The following KALRN variants were observed in gnomAD, a reference collection of about 807,000 sequenced individuals.
KALRN encodes the protein kalirin RhoGEF kinase, also known as kalirin.
In KALRN, 70 loss-of-function variants were observed where a neutral mutation model predicts 353.7. That is an observed-to-expected ratio of 0.20 (90% CI 0.16 to 0.24). The LOEUF is 0.24. KALRN is among the 10% of genes least tolerant of loss of function. The probability of loss-of-function intolerance (pLI) is 1.00; values close to 1 mark genes in which losing one functional copy is unlikely to be tolerated. For synonymous variants in KALRN, 1,391 were observed against 1,434.8 expected (o/e 0.97, Z 0.69); for missense variants, 2,791 against 3,756.7 (o/e 0.74, Z 6.72).
At chr3:124,108,851 G>C (rs2062569039) in intron 1 of KALRN, among the ~76,000 whole-genome samples, 1 of 152,174 alleles carries the variant, frequency 6.6e-6, no homozygotes, top group South Asian at 2.1e-4. Context: ...AGGCTTTGCA[G>C]GGGATTACAC....
At chr3:124,381,377 G>T (rs892134986) in intron 10 of KALRN, among the ~76,000 whole-genome samples, 1 of 152,164 alleles carries the variant, frequency 6.6e-6, no homozygotes, top group Non-Finnish European at 1.5e-5. Context: ...AAGGGAAAAA[G>T]TGTCAGGTGA....
intron 37 of KALRN, among the ~76,000 whole-genome samples, chr3:124,647,482 A>G (rs1250941860): frequency 6.6e-6 from 1 of 152,198 alleles, no homozygotes; most frequent in African/African-American, 2.4e-5. Context: ...TCCCATTGGC[A>G]TATCCAGTGA....
rs958627856 is a variant in KALRN at position 124,680,563 on chromosome 3, C to G, written c.7377+1046C>G. Among the ~76,000 whole-genome samples the G allele has an allele frequency of 2.0e-5, 3 of 152,304 alleles. No individual in the cohort carries two copies. In the East Asian group the frequency reaches 5.8e-4, roughly 29 times the overall value. ...GAAATTTATATCATCCCAAACATTT[C>G]ACTTAATTAGATAGACTTTTATTCT... On this transcript the variant is annotated intron_variant, in intron 51 of 59. Transcript: ENST00000682506.
intron 37 of KALRN, among the ~76,000 whole-genome samples, chr3:124,641,405 C>T (rs2149968208): frequency 6.6e-6 from 1 of 152,262 alleles, no homozygotes. Flanking sequence ...ATAGGGCTCC[C>T]CCTGCTTTCA....
chr3:124,490,663 A>C (rs1368109367), intron 29 of KALRN, 31 bp from the exon 30 acceptor site: 1 of 1,595,810 alleles, frequency 6.3e-7, no homozygotes, highest in Non-Finnish European at 8.6e-7. Flanking sequence ...CAGTAGAGAA[A>C]CTCCACAGGG....
At chr3:124,575,680 C>T (rs1274816457) in intron 34 of KALRN, among the ~76,000 whole-genome samples, 1 of 152,146 alleles carries the variant, frequency 6.6e-6, no homozygotes, top group African/African-American at 2.4e-5. Context: ...TTGCCTCTTC[C>T]AGCTTCCAGA....
chr3:124,220,242 C>T (rs114981500), intron 1 of KALRN, among the ~76,000 whole-genome samples: 1,863 of 152,216 alleles, frequency 0.012, 28 homozygotes, highest in African/African-American at 0.041. Flanking sequence ...TGAGACCGGC[C>T]GGTGGTAGCT....
chr3:124,140,035 A>C (rs1382407577), intron 1 of KALRN, among the ~76,000 whole-genome samples: 2 of 152,120 alleles, frequency 1.3e-5, no homozygotes. Context: ...CAGCAGAGTT[A>C]TCTCTCTTGT....
intron 45 of KALRN, among the ~76,000 whole-genome samples, chr3:124,664,229 T>G (rs553206047): frequency 6.6e-6 from 1 of 152,144 alleles, no homozygotes; most frequent in African/African-American, 2.4e-5. Context: ...GGAGTCTAAC[T>G]GTGCTTCTCT....
At position 124,604,280 on chromosome 3, in the gene KALRN, C is replaced by T. The variant is rs144733312; in HGVS notation, c.5183-28140C>T. ...TCGTCATCTAGCATTAGGTATATCTCCCAATGCTTTCATGTTTTTTAAGCT... is the reference window on the plus strand; with the variant it reads ...TCGTCATCTAGCATTAGGTATATCTTCCAATGCTTTCATGTTTTTTAAGCT... On this transcript the variant is annotated intron_variant, in intron 34 of 59. Coordinates refer to ENST00000682506, the MANE Select transcript of KALRN (RefSeq NM_001388419.1). Among the ~76,000 whole-genome samples the T allele has an allele frequency of 2.0e-5, 3 of 152,250 alleles. No individual in the cohort carries two copies. In the East Asian group the frequency reaches 5.8e-4, roughly 29 times the overall value.
At chr3:124,642,545 A>G (rs912176339) in intron 37 of KALRN, among the ~76,000 whole-genome samples, 6 of 152,024 alleles carry the variant, frequency 3.9e-5, no homozygotes, top group Non-Finnish European at 5.9e-5. Context: ...TGGTTCTCCT[A>G]TTTTGACAGC....
intron 3 of KALRN, among the ~76,000 whole-genome samples, chr3:124,241,120 T>C (rs758915956): frequency 6.6e-6 from 1 of 152,180 alleles, no homozygotes; most frequent in Non-Finnish European, 1.5e-5. Context: ...TCCTCAATGC[T>C]ACCTAGGGCT....
At chr3:124,531,529 A>G (rs1216114659) in intron 33 of KALRN, among the ~76,000 whole-genome samples, 2 of 152,196 alleles carry the variant, frequency 1.3e-5, no homozygotes, top group African/African-American at 2.4e-5. Flanking sequence ...AAAGAAGTTT[A>G]ATTGGCTCGT....
chr3:124,210,454 G>A (rs990351983), intron 1 of KALRN, among the ~76,000 whole-genome samples: 1 of 152,070 alleles, frequency 6.6e-6, no homozygotes, highest in Non-Finnish European at 1.5e-5. Flanking sequence ...TATCCCTAAG[G>A]TTCTCATTTC....
At chr3:124,692,949 G>A (rs1247704313) in intron 51 of KALRN, among the ~76,000 whole-genome samples, 1 of 152,196 alleles carries the variant, frequency 6.6e-6, no homozygotes, top group African/African-American at 2.4e-5. Context: ...ATCTCCTCAA[G>A]AAGATGTAGC....
At chr3:124,553,918 G>A (rs1260359586) in intron 33 of KALRN, among the ~76,000 whole-genome samples, 1 of 152,266 alleles carries the variant, frequency 6.6e-6, no homozygotes, top group African/African-American at 2.4e-5. Context: ...GCAATGAGAT[G>A]AAGATAGAAG....
In KALRN at chr3:124,391,520, T is replaced by C. The variant is rs187562797; in HGVS notation, c.1963-3615T>C. ...ACTGACTGCTTAATAATCAGTGAAG[T>C]AGTAGCAGAAGTGTCTCTCTAATTT... On this transcript the variant is annotated intron_variant, in intron 11 of 59. Transcript: ENST00000682506. Among the ~76,000 whole-genome samples the C allele has an allele frequency of 1.7e-4, 26 of 152,330 alleles. 1 individual carries two copies. The highest frequency in any genetic ancestry group is 1.5e-3 in the Admixed American group (23 of 15,308).
chr3:124,489,042 G>C (rs1269340921), intron 29 of KALRN, among the ~76,000 whole-genome samples: 1 of 152,160 alleles, frequency 6.6e-6, no homozygotes, highest in African/African-American at 2.4e-5. Context: ...TTTGTTAGAT[G>C]AGTTAAGATT....
intron 1 of KALRN, among the ~76,000 whole-genome samples, chr3:124,071,794 A>T (rs1183514862): frequency 6.6e-6 from 1 of 152,142 alleles, no homozygotes; most frequent in Admixed American, 6.5e-5. Context: ...TTTGGAGGGG[A>T]TACATCTGAA....
Sources: allele counts gnomAD v4.1 joint callset (sites outside exome capture counted in the v4.1 genomes callset), GRCh38; gene constraint gnomAD v4.1.1; transcripts MANE v1.5; gene names NCBI Gene and HGNC (gene_info 2026-07-23, HGNC 2026-07-21).